The following FAM193A variants were observed in gnomAD, a reference collection of about 807,000 sequenced individuals.
The protein encoded by FAM193A is family with sequence similarity 193 member A, also known as protein FAM193A.
FAM193A carries 22 observed loss-of-function variants against 126.5 expected under a neutral mutation model. The ratio of observed to expected loss-of-function variants is 0.17; its 90% CI spans 0.12 to 0.25. The LOEUF is 0.25. FAM193A is among the 10% of genes least tolerant of loss of function. FAM193A has a pLI of 1.00. For synonymous variants in FAM193A, 761 were observed against 646.8 expected, an observed-to-expected ratio of 1.18 and a Z score of -2.68; for missense variants, 1,675 against 1,672.8, an observed-to-expected ratio of 1.00 and a Z score of -0.02.
chr4:2,699,954 A>G lies in FAM193A; in HGVS notation c.3782A>G (p.Asn1261Ser), dbSNP rs146890120. 4.3e-5 allele frequency: 69 copies of G among 1,613,842 alleles called. No individual in the cohort carries two copies. Among genetic ancestry groups the G allele is most frequent in the African/African-American group, 1.1e-4 (8 of 74,840 alleles). The part of the protein sequence containing the change: ...ESVPNSGNIH[N>S]GSLEQTEEPE... ...GTTCCTAACTCTGGAAACATCCACA[A>G]TGGCTCACTAGAGCAAACTGAAGAA... is the stretch of plus-strand genomic sequence containing the variant. Residue 1261 changes from asparagine (N) to serine (S), a missense_variant, in exon 19 of 21, where the codon AAT (asparagine) becomes AGT (serine). By Grantham distance (46) the Asn-to-Ser change is conservative. This residue lies in a region of FAM193A where 415 missense variants were observed against 396.7 expected (regional missense o/e 1.05). Coordinates refer to ENST00000637812, the MANE Select transcript of FAM193A (RefSeq NM_001366318.2).
intron 1 of FAM193A, among the ~76,000 whole-genome samples, chr4:2,570,988 C>G (rs922769656): frequency 2.0e-5 from 3 of 152,128 alleles, no homozygotes; most frequent in Non-Finnish European, 2.9e-5. Flanking sequence ...CACTCAGTTT[C>G]GCTTACGGAG....
chr4:2,682,602 C>T (rs1355638624), intron 13 of FAM193A, among the ~76,000 whole-genome samples: 1 of 152,088 alleles, frequency 6.6e-6, no homozygotes, highest in Non-Finnish European at 1.5e-5. Context: ...TCTTTTTCTG[C>T]CTTCTCTACT....
chr4:2,696,225 GGTT>G (rs1478739813), intron 17 of FAM193A, 135 bp from the exon 18 acceptor site: 1 of 626,316 alleles, frequency 1.6e-6, no homozygotes, highest in Non-Finnish European at 2.7e-6. Context: ...TTTTTCTGCT[GGTT>G]GTTGTATTTC....
chr4:2,632,393 C>T (rs1043349325), intron 5 of FAM193A, among the ~76,000 whole-genome samples: 2 of 151,976 alleles, frequency 1.3e-5, no homozygotes, highest in East Asian at 1.9e-4. Flanking sequence ...TGGGGAGACC[C>T]CACCTATACC....
intron 8 of FAM193A, among the ~76,000 whole-genome samples, 184 bp downstream of exon 8, chr4:2,658,064 A>T (rs552167352): frequency 1.3e-5 from 2 of 152,276 alleles, no homozygotes; most frequent in East Asian, 3.9e-4. Flanking sequence ...ATTTTCACCT[A>T]TTTCCTTATC....
chr4:2,555,808 G>A (rs942624166), intron 1 of FAM193A, among the ~76,000 whole-genome samples: 1 of 152,074 alleles, frequency 6.6e-6, no homozygotes, highest in Non-Finnish European at 1.5e-5. Flanking sequence ...TAGTAGAGAC[G>A]GGGTTTCACC....
intron 1 of FAM193A, among the ~76,000 whole-genome samples, chr4:2,567,729 G>A (rs7682491): frequency 0.09 from 13,684 of 152,176 alleles, 1,211 homozygotes; most frequent in African/African-American, 0.23. Context: ...CTCAAAAGCC[G>A]TGCACCTTGT....
chr4:2,622,102 A>G (rs1742579674), intron 2 of FAM193A, among the ~76,000 whole-genome samples: 1 of 151,932 alleles, frequency 6.6e-6, no homozygotes, highest in African/African-American at 2.4e-5. Context: ...CAAAAATACG[A>G]AAAATTAAGC....
chr4:2,620,174 T>C (rs1225005827), intron 2 of FAM193A, among the ~76,000 whole-genome samples: 3 of 152,236 alleles, frequency 2.0e-5, no homozygotes, highest in Non-Finnish European at 4.4e-5. Flanking sequence ...CTGTATATGA[T>C]GAGTGCTATA....
intron 13 of FAM193A, among the ~76,000 whole-genome samples, chr4:2,681,333 C>T (rs1715095059): frequency 6.6e-6 from 1 of 150,404 alleles, no homozygotes; most frequent in Non-Finnish European, 1.5e-5. Flanking sequence ...TTTCTATTCT[C>T]TATTTCATTG....
At chr4:2,621,424 AC>A (rs1742539025) in intron 2 of FAM193A, among the ~76,000 whole-genome samples, 1 of 152,206 alleles carries the variant, frequency 6.6e-6, no homozygotes, top group Admixed American at 6.5e-5. Context: ...TCAGAGGCTC[AC>A]TGACTAAGGG....
intron 20 of FAM193A, among the ~76,000 whole-genome samples, chr4:2,725,200 A>G (rs143243639): frequency 6.6e-6 from 1 of 152,060 alleles, no homozygotes; most frequent in East Asian, 1.9e-4. Flanking sequence ...TTTTAATTAA[A>G]TTAAAAACTA....
intron 2 of FAM193A, among the ~76,000 whole-genome samples, chr4:2,598,442 C>T (rs2108912815): frequency 6.6e-6 from 1 of 152,256 alleles, no homozygotes; most frequent in South Asian, 2.1e-4. Flanking sequence ...TGTGGACATC[C>T]TTTTTATGTG....
At chr4:2,591,974 G>A (rs940908640) in intron 1 of FAM193A, among the ~76,000 whole-genome samples, 2 of 151,988 alleles carry the variant, frequency 1.3e-5, no homozygotes, top group African/African-American at 4.8e-5. Flanking sequence ...AAAAATTTCT[G>A]GGTTATCTTG....
chr4:2,584,437 A>C lies in FAM193A; in HGVS notation c.256-11647A>C, dbSNP rs980747348. On this transcript the variant is annotated intron_variant, in intron 1 of 20. Transcript: ENST00000637812. ...TGAGATTCCGTCTCAAAAAAAAAAA[A>C]AAAACACCCATCTCTAAAGAATATT... is the stretch of plus-strand genomic sequence containing the variant. Among the ~76,000 whole-genome samples the C allele has an allele frequency of 5.3e-5, 8 of 151,790 alleles. 1 individual carries two copies. Among genetic ancestry groups the C allele is most frequent in the African/African-American group, 1.4e-4 (6 of 41,396 alleles).
At chr4:2,688,738 C>A (rs1415903697) in intron 13 of FAM193A, among the ~76,000 whole-genome samples, 1 of 152,252 alleles carries the variant, frequency 6.6e-6, no homozygotes, top group Non-Finnish European at 1.5e-5. Flanking sequence ...CAGGCTGTTG[C>A]ACTGCGCCAC....
At chr4:2,631,766 C>T (rs1015470436) in intron 5 of FAM193A, among the ~76,000 whole-genome samples, 1 of 152,092 alleles carries the variant, frequency 6.6e-6, no homozygotes, top group African/African-American at 2.4e-5. Flanking sequence ...GGTCCGGTTG[C>T]CTCAAAAGAG....
chr4:2,604,424 T>A (rs2108927399), intron 2 of FAM193A, among the ~76,000 whole-genome samples: 1 of 152,344 alleles, frequency 6.6e-6, no homozygotes, highest in African/African-American at 2.4e-5. Context: ...TTCTGAGTGT[T>A]ATTTAAAATG....
At chr4:2,679,736 T>C (rs1249083654) in intron 13 of FAM193A, among the ~76,000 whole-genome samples, 1 of 152,124 alleles carries the variant, frequency 6.6e-6, no homozygotes. Context: ...AGGACATGAG[T>C]TAGAAAGTGT....
Sources: allele counts gnomAD v4.1 joint callset (sites outside exome capture counted in the v4.1 genomes callset), GRCh38; gene constraint gnomAD v4.1.1; regional missense constraint gnomAD v4.1.1; transcripts MANE v1.5; gene names NCBI Gene and HGNC (gene_info 2026-07-23, HGNC 2026-07-21).